The following TAFA1 variants were observed in gnomAD, a reference collection of about 807,000 sequenced individuals.
TAFA1 encodes chemokine-like protein TAFA-1.
Under a neutral mutation model 18.5 loss-of-function variants are expected in TAFA1, and 4 were observed. That is an observed-to-expected ratio of 0.22 (90% CI 0.11 to 0.49). TAFA1 has a LOEUF of 0.49. Among genes scored for constraint, TAFA1 ranks in the 20% least tolerant of loss-of-function variants. The pLI, the probability that TAFA1 is intolerant of heterozygous loss-of-function variation, is 0.98. For missense variants in TAFA1, 147 were observed against 169.0 expected (o/e 0.87, Z 0.72); for synonymous variants, 56 against 55.2 (o/e 1.01, Z -0.06).
At chr3:68,400,651 A>G (rs151134773) in intron 2 of TAFA1, among the ~76,000 whole-genome samples, 302 of 152,306 alleles carry the variant, frequency 2.0e-3, no homozygotes, top group Admixed American at 3.9e-3. Flanking sequence ...TTATATTTGT[A>G]TAAATCTTAT....
At chr3:68,050,368 G>A (rs768904677) in intron 2 of TAFA1, among the ~76,000 whole-genome samples, 1 of 152,120 alleles carries the variant, frequency 6.6e-6, no homozygotes, top group Non-Finnish European at 1.5e-5. Flanking sequence ...CTTGTCCTGT[G>A]TTTGCATCCA....
intron 2 of TAFA1, among the ~76,000 whole-genome samples, chr3:68,241,122 A>G (rs1397155537): frequency 6.6e-6 from 1 of 152,182 alleles, no homozygotes; most frequent in African/African-American, 2.4e-5. Flanking sequence ...CACAGTGGTT[A>G]GGTCAGTTAT....
chr3:68,461,360 C>CATATATATATAT (rs5849840), intron 3 of TAFA1, among the ~76,000 whole-genome samples: 4,067 of 106,122 alleles, frequency 0.038, 195 homozygotes, highest in East Asian at 0.17. Flanking sequence ...AATGAAAGTG[C>CATATATATATAT]ATATATATAT....
intron 2 of TAFA1, among the ~76,000 whole-genome samples, chr3:68,044,850 T>C (rs747609232): frequency 2.1e-4 from 32 of 152,206 alleles, no homozygotes; most frequent in Non-Finnish European, 4.0e-4. Context: ...GTTGTGAGGA[T>C]TGGACATAAA....
At chr3:67,995,867 G>A in the TAFA1 span, among the ~76,000 whole-genome samples, 4 of 152,102 alleles carry the variant, frequency 2.6e-5, no homozygotes, top group African/African-American at 4.8e-5. Flanking sequence ...CACTGCCAAC[G>A]GCTTGCTTAG....
intron 3 of TAFA1, among the ~76,000 whole-genome samples, chr3:68,496,829 G>A (rs56064707): frequency 0.091 from 13,766 of 152,012 alleles, 1,731 homozygotes; most frequent in African/African-American, 0.27. Context: ...CTATATCATG[G>A]GGTGGTCCTT....
intron 2 of TAFA1, among the ~76,000 whole-genome samples, chr3:68,344,466 T>C (rs1380982607): frequency 6.6e-6 from 1 of 152,192 alleles, no homozygotes; most frequent in Non-Finnish European, 1.5e-5. Flanking sequence ...TCTTAGATCA[T>C]AATCTCATCA....
intron 2 of TAFA1, among the ~76,000 whole-genome samples, chr3:68,075,879 C>T (rs113994806): frequency 0.03 from 4,615 of 152,004 alleles, 248 homozygotes; most frequent in African/African-American, 0.11. Flanking sequence ...GCATTTTTCG[C>T]AGAGATGGGG....
intron 2 of TAFA1, among the ~76,000 whole-genome samples, chr3:68,401,634 A>C (rs1383424962): frequency 6.6e-6 from 1 of 152,230 alleles, no homozygotes; most frequent in Non-Finnish European, 1.5e-5. Context: ...AGAGGAAAAC[A>C]ATCTACTACT....
chr3:68,455,435 C>T (rs994104156), intron 3 of TAFA1, among the ~76,000 whole-genome samples: 2 of 152,246 alleles, frequency 1.3e-5, no homozygotes, highest in Middle Eastern at 3.4e-3. Flanking sequence ...TTGGTACCCA[C>T]GTTATAAAAG....
chr3:68,429,919 A>T (rs1268805224), intron 3 of TAFA1, among the ~76,000 whole-genome samples: 1 of 151,894 alleles, frequency 6.6e-6, no homozygotes, highest in Non-Finnish European at 1.5e-5. Flanking sequence ...ATCTTTGTTG[A>T]CTTGTTATCT....
chr3:68,475,139 ATT>A (rs5849846), intron 3 of TAFA1, among the ~76,000 whole-genome samples: 1 of 150,342 alleles, frequency 6.7e-6, no homozygotes, highest in African/African-American at 2.4e-5. Context: ...GCTGGCTTCT[ATT>A]TTTTTTTAAT....
chr3:68,341,739 T>C (rs543800848), intron 2 of TAFA1, among the ~76,000 whole-genome samples: 3 of 152,306 alleles, frequency 2.0e-5, no homozygotes, highest in Non-Finnish European at 4.4e-5. Flanking sequence ...TTAGGTCTGA[T>C]CTCTTTCACT....
At chr3:68,112,482 T>A (rs984392891) in intron 2 of TAFA1, among the ~76,000 whole-genome samples, 12 of 152,204 alleles carry the variant, frequency 7.9e-5, no homozygotes, top group Admixed American at 3.3e-4. Flanking sequence ...ATTTCTTTAA[T>A]CTAATACATT....
chr3:68,415,978 G>A (rs2070829071), intron 2 of TAFA1, among the ~76,000 whole-genome samples: 1 of 152,190 alleles, frequency 6.6e-6, no homozygotes, highest in African/African-American at 2.4e-5. Context: ...GATCTTTTGA[G>A]CCAGATCATT....
intron 2 of TAFA1, among the ~76,000 whole-genome samples, chr3:68,228,818 A>T (rs112278824): frequency 3.3e-5 from 5 of 152,324 alleles, no homozygotes; most frequent in African/African-American, 1.2e-4. Flanking sequence ...TTGCAAGTGA[A>T]ACAGATGAGA....
chr3:68,340,979 A>G (rs2069072602), intron 2 of TAFA1, among the ~76,000 whole-genome samples: 1 of 152,156 alleles, frequency 6.6e-6, no homozygotes. Context: ...AAGAGATAGC[A>G]TTAAATCGTG....
chr3:68,497,839 T>G (rs1328300291), intron 3 of TAFA1, among the ~76,000 whole-genome samples: 2 of 152,324 alleles, frequency 1.3e-5, no homozygotes, highest in South Asian at 4.1e-4. Context: ...TAGAAATAGC[T>G]GTAGCCCAGG....
chr3:68,522,659 G>A (rs1190318446), intron 3 of TAFA1, among the ~76,000 whole-genome samples: 1 of 152,184 alleles, frequency 6.6e-6, no homozygotes, highest in African/African-American at 2.4e-5. Flanking sequence ...GACCAGCCTG[G>A]CCAACATGGT....
Sources: gnomAD v4.1 joint callset for allele counts (sites outside exome capture counted in the v4.1 genomes callset) on GRCh38, gnomAD v4.1.1 for gene constraint, MANE v1.5 for transcripts, NCBI Gene and HGNC (gene_info 2026-07-23, HGNC 2026-07-21) for gene names.